NOL4: variants seen among roughly 807,000 people sequenced by gnomAD.
NOL4 encodes the protein cancer/testis antigen 125.
Under a neutral mutation model 75.9 loss-of-function variants are expected in NOL4, and 17 were observed. That is an observed-to-expected ratio of 0.22 (90% CI 0.15 to 0.34). The LOEUF (loss-of-function observed/expected upper bound fraction) is 0.34. NOL4 is among the 10% of genes least tolerant of loss of function. The pLI, the probability that NOL4 is intolerant of heterozygous loss-of-function variation, is 1.00. For missense variants in NOL4, 614 were observed against 793.5 expected (o/e 0.77, Z 2.72); for synonymous variants, 292 against 289.9 (o/e 1.01, Z -0.07).
At chr18:34,134,457 C>T (rs1034645329) in intron 1 of NOL4, among the ~76,000 whole-genome samples, 2 of 124,038 alleles carry the variant, frequency 1.6e-5, no homozygotes, top group African/African-American at 2.8e-5. Flanking sequence ...GACACACACA[C>T]ACACACACAC....
At chr18:33,901,344 A>C (rs1025536408) in intron 9 of NOL4, among the ~76,000 whole-genome samples, 8 of 152,180 alleles carry the variant, frequency 5.3e-5, no homozygotes, top group African/African-American at 1.9e-4. Context: ...GTTCTTACTT[A>C]GATGAACCCT....
intron 5 of NOL4, among the ~76,000 whole-genome samples, chr18:34,055,818 C>T (rs557198576): frequency 4.1e-4 from 62 of 151,652 alleles, no homozygotes; most frequent in African/African-American, 1.3e-3. Flanking sequence ...TTTTTTTCTC[C>T]GCTATCTCAA....
At chr18:34,024,800 C>A (rs2075265786) in intron 5 of NOL4, among the ~76,000 whole-genome samples, 1 of 151,996 alleles carries the variant, frequency 6.6e-6, no homozygotes, top group Non-Finnish European at 1.5e-5. Flanking sequence ...TTGGAATTTC[C>A]TGGGGGAGAT....
chr18:34,131,556 T>C (rs1350479554), intron 1 of NOL4, among the ~76,000 whole-genome samples: 1 of 152,082 alleles, frequency 6.6e-6, no homozygotes, highest in Non-Finnish European at 1.5e-5. Context: ...TTCCCAGCCA[T>C]GAAATTTGTA....
At chr18:34,074,630 T>C (rs1042402198) in intron 5 of NOL4, among the ~76,000 whole-genome samples, 1 of 152,018 alleles carries the variant, frequency 6.6e-6, no homozygotes, top group Admixed American at 6.5e-5. Flanking sequence ...ATAAGTTTCA[T>C]AGCCCAAGGA....
chr18:33,956,141 A>G (rs1437189452), intron 8 of NOL4, among the ~76,000 whole-genome samples: 1 of 152,160 alleles, frequency 6.6e-6, no homozygotes, highest in Non-Finnish European at 1.5e-5. Context: ...TGAATTTAAG[A>G]TCAGGACACC....
At chr18:33,862,833 C>G (rs1020914109) in intron 10 of NOL4, among the ~76,000 whole-genome samples, 18 of 152,284 alleles carry the variant, frequency 1.2e-4, no homozygotes, top group Admixed American at 3.9e-4. Context: ...GGACTGTAAA[C>G]TAGTTCAACC....
At chr18:34,105,773 G>A (rs1383509282) in intron 2 of NOL4, among the ~76,000 whole-genome samples, 1 of 151,850 alleles carries the variant, frequency 6.6e-6, no homozygotes, top group Non-Finnish European at 1.5e-5. Context: ...TTTTTATAAT[G>A]TATGTCCATA....
At chr18:33,947,143 A>G (rs2068890684) in intron 8 of NOL4, among the ~76,000 whole-genome samples, 1 of 151,826 alleles carries the variant, frequency 6.6e-6, no homozygotes, top group Admixed American at 6.6e-5. Context: ...CAAAAGTACT[A>G]ATATCGAGAG....
At chr18:34,057,744 T>C (rs1320358491) in intron 5 of NOL4, among the ~76,000 whole-genome samples, 1 of 152,190 alleles carries the variant, frequency 6.6e-6, no homozygotes, top group Admixed American at 6.5e-5. Flanking sequence ...AATCATGCCT[T>C]ATACATCTCA....
chr18:34,214,152 A>G (rs1301572624), intron 1 of NOL4, among the ~76,000 whole-genome samples: 1 of 152,186 alleles, frequency 6.6e-6, no homozygotes, highest in Non-Finnish European at 1.5e-5. Flanking sequence ...ATGTTCTCTG[A>G]GAGGCAATAT....
At chr18:34,171,853 ACT>A (rs2033073040) in intron 1 of NOL4, among the ~76,000 whole-genome samples, 1 of 152,090 alleles carries the variant, frequency 6.6e-6, no homozygotes, top group African/African-American at 2.4e-5. Context: ...TTAAATTAAG[ACT>A]CTTAGAACTA....
intron 5 of NOL4, among the ~76,000 whole-genome samples, chr18:34,047,887 A>G (rs2076454840): frequency 6.6e-6 from 1 of 152,158 alleles, no homozygotes; most frequent in Non-Finnish European, 1.5e-5. Context: ...AAGTTGAAGT[A>G]CCAGCACCAA....
chr18:34,135,095 G>A (rs1199304325), intron 1 of NOL4, among the ~76,000 whole-genome samples: 1 of 151,926 alleles, frequency 6.6e-6, no homozygotes. Context: ...GAAAACAATG[G>A]ACAAAATCAG....
intron 6 of NOL4, among the ~76,000 whole-genome samples, chr18:33,986,266 G>A (rs2072445163): frequency 6.6e-6 from 1 of 151,972 alleles, no homozygotes; most frequent in Admixed American, 6.6e-5. Flanking sequence ...TTACTTTTTG[G>A]ACAAAAGCAA....
chr18:34,127,202 A>G (rs2080427158), intron 2 of NOL4, among the ~76,000 whole-genome samples: 1 of 151,934 alleles, frequency 6.6e-6, no homozygotes, highest in South Asian at 2.1e-4. Flanking sequence ...AAGGAATGAT[A>G]TACTGCAGAT....
At position 34,139,071 on chromosome 18, in the gene NOL4, TGAA is replaced by T. The variant is rs1474447921; in HGVS notation, c.265-9054_265-9052del. On this transcript the variant is annotated intron_variant, in intron 1 of 10. Coordinates refer to ENST00000261592, the MANE Select transcript of NOL4 (RefSeq NM_003787.5). ...AAGCTTTTTGATGTGCTGCTGGATT[TGAA>T]TTGCCAGTATTTTATTGAGGATTTT... Among the ~76,000 whole-genome samples the T allele has an allele frequency of 2.1e-3, 322 of 152,298 alleles. 8 individuals carry two copies. The East Asian group carries it at 0.056, about 26-fold the overall frequency.
intron 9 of NOL4, among the ~76,000 whole-genome samples, chr18:33,920,522 G>A (rs2066974405): frequency 6.6e-6 from 1 of 152,154 alleles, no homozygotes; most frequent in Non-Finnish European, 1.5e-5. Context: ...CTTATGTTAT[G>A]GATTGAATTT....
chr18:34,090,127 T>G (rs1429140403), intron 5 of NOL4, among the ~76,000 whole-genome samples: 2 of 152,124 alleles, frequency 1.3e-5, no homozygotes, highest in Non-Finnish European at 2.9e-5. Flanking sequence ...TACAGAAGGT[T>G]GTCAATATGG....
Sources: allele counts gnomAD v4.1 joint callset (sites outside exome capture counted in the v4.1 genomes callset), GRCh38; gene constraint gnomAD v4.1.1; transcripts MANE v1.5; gene names NCBI Gene and HGNC (gene_info 2026-07-23, HGNC 2026-07-21).